ADARB2: variants seen among roughly 807,000 people sequenced by gnomAD.
The protein encoded by ADARB2 is adenosine deaminase RNA specific B2 (inactive), also known as inactive double-stranded RNA-specific editase B2.
Under a neutral mutation model 62.2 loss-of-function variants are expected in ADARB2, and 25 were observed. That is an observed-to-expected ratio of 0.40 (90% CI 0.29 to 0.56). The LOEUF is 0.56. ADARB2 is among the 20% of genes least tolerant of loss of function. The pLI is 0.43. For missense variants in ADARB2, 1,071 were observed against 1,077.4 expected (o/e 0.99, Z 0.08); for synonymous variants, 572 against 500.8 (o/e 1.14, Z -1.90).
chr10:1,461,490 C>T (rs1172709362), intron 1 of ADARB2, among the ~76,000 whole-genome samples: 1 of 151,050 alleles, frequency 6.6e-6, no homozygotes, highest in Non-Finnish European at 1.5e-5. Context: ...GGCAATTTAT[C>T]TAATTCTTTC....
chr10:1,671,403 G>A (rs1834383415), intron 1 of ADARB2, among the ~76,000 whole-genome samples: 2 of 152,326 alleles, frequency 1.3e-5, no homozygotes, highest in African/African-American at 4.8e-5. Context: ...CTCCAGCCCA[G>A]ATGTTGCAGA....
intron 1 of ADARB2, among the ~76,000 whole-genome samples, chr10:1,582,049 A>T (rs995011610): frequency 6.6e-6 from 1 of 152,248 alleles, no homozygotes; most frequent in African/African-American, 2.4e-5. Context: ...AGGTCCGAGC[A>T]GACCTTCTTA....
intron 3 of ADARB2, among the ~76,000 whole-genome samples, chr10:1,319,100 C>G (rs1394404602): frequency 6.6e-6 from 1 of 152,172 alleles, no homozygotes; most frequent in Non-Finnish European, 1.5e-5. Context: ...GTGACGAAAA[C>G]AGAGTGAAGA....
Position 1,363,071 on chromosome 10 carries a change from G to T in ADARB2, c.1034C>A (p.Pro345His), listed in dbSNP as rs1489726803. 1.4e-6 allele frequency: 2 copies of T among 1,461,112 alleles called. No homozygotes were observed. The highest frequency in any genetic ancestry group is 1.5e-5 in the African/African-American group (1 of 68,234). The allele number at this position is 1,461,112 out of a possible 1,614,324, so 90.5% of individuals were successfully genotyped here. A position where few individuals can be genotyped will look rare whatever the true frequency, so the allele number is the denominator to read the frequency against. ...ALQELFDIQM[P>H]GHAPGRARRT... The stretch of plus-strand genomic sequence containing the variant: ...CCTGGCCCTGCCGGGCGCGTGGCCG[G>T]GCATCTGGATGTCGAACAGCTCCTG... The change falls in exon 3 of 10, where the codon CCC (proline) becomes CAC (histidine). Residue 345 changes from proline (P) to histidine (H), a missense_variant. By Grantham distance (77) the Pro-to-His change is moderately conservative. Coordinates refer to ENST00000381312, the MANE Select transcript of ADARB2 (RefSeq NM_018702.4).
intron 2 of ADARB2, among the ~76,000 whole-genome samples, chr10:1,366,353 A>G (rs1349675184): frequency 1.3e-5 from 2 of 152,228 alleles, no homozygotes; most frequent in Admixed American, 6.5e-5. Context: ...AATCTCAGCC[A>G]TGGATGGCCC....
At chr10:1,325,897 C>G (rs1421347924) in intron 3 of ADARB2, among the ~76,000 whole-genome samples, 1 of 152,124 alleles carries the variant, frequency 6.6e-6, no homozygotes, top group African/African-American at 2.4e-5. Flanking sequence ...ATCCCAAAGC[C>G]CGGGACATAG....
At position 1,183,022 on chromosome 10, in the gene ADARB2, G is replaced by T; in HGVS notation, c.*171C>A. 1 of 747,446 alleles carries T rather than the reference G, an allele frequency of 1.3e-6. No individual in the cohort carries two copies. Among genetic ancestry groups the T allele is most frequent in the Non-Finnish European group, 2.1e-6 (1 of 470,138 alleles). The allele number at this position is 747,446 out of a possible 1,614,324, so 46.3% of individuals were successfully genotyped here. ...TTCTGGGGCCAGCGATCTGGAAAGAGGCACGTTCTGAATTTGTGTTGTTGC... is the reference window on the plus strand; with the variant it reads ...TTCTGGGGCCAGCGATCTGGAAAGATGCACGTTCTGAATTTGTGTTGTTGC... On this transcript the variant is annotated 3_prime_UTR_variant, in exon 10 of 10. Coordinates refer to ENST00000381312, the MANE Select transcript of ADARB2 (RefSeq NM_018702.4).
At chr10:1,437,255 C>CACACATATAT (rs1554763005) in intron 1 of ADARB2, among the ~76,000 whole-genome samples, 8 of 151,880 alleles carry the variant, frequency 5.3e-5, no homozygotes, top group Non-Finnish European at 7.4e-5. Context: ...TATATATACA[C>CACACATATAT]ACACACACAC....
At position 1,570,329 on chromosome 10, in the gene ADARB2, C is replaced by T. The variant is rs186470170; in HGVS notation, c.100+166722G>A. On this transcript the variant is annotated intron_variant, in intron 1 of 9. Coordinates refer to ENST00000381312, the MANE Select transcript of ADARB2 (RefSeq NM_018702.4). ...TGTGTTTGCTTTGCTGTCTCTCCCC[C>T]TTGGCGGTTGCTACCTGGGCTGATT... 6.7e-4 allele frequency among the ~76,000 whole-genome samples: 102 copies of T among 152,300 alleles called. 1 individual carries two copies. The East Asian group carries it at 0.018, about 27-fold the overall frequency.
intron 1 of ADARB2, among the ~76,000 whole-genome samples, chr10:1,544,092 C>T (rs947567488): frequency 5.3e-5 from 8 of 151,864 alleles, no homozygotes; most frequent in African/African-American, 1.9e-4. Flanking sequence ...TGTGTGTTTT[C>T]CTGACCGTGG....
intron 6 of ADARB2, among the ~76,000 whole-genome samples, chr10:1,217,462 C>T (rs1299068457): frequency 6.6e-6 from 1 of 152,228 alleles, no homozygotes; most frequent in Non-Finnish European, 1.5e-5. Context: ...GTCCTCAATG[C>T]TTCATTTACA....
chr10:1,719,034 C>G (rs1012835165), intron 1 of ADARB2, among the ~76,000 whole-genome samples: 1 of 151,958 alleles, frequency 6.6e-6, no homozygotes. Flanking sequence ...GATGTCAGCT[C>G]GCTGCAACCT....
chr10:1,272,565 C>T (rs894514489), intron 3 of ADARB2, among the ~76,000 whole-genome samples: 7 of 152,324 alleles, frequency 4.6e-5, no homozygotes, highest in South Asian at 2.1e-4. Context: ...GGCCTCAAGC[C>T]GCTGTAGCCT....
chr10:1,587,493 G>T (rs1833196167), intron 1 of ADARB2, among the ~76,000 whole-genome samples: 1 of 151,886 alleles, frequency 6.6e-6, no homozygotes, highest in African/African-American at 2.4e-5. Context: ...GACAGAAGAA[G>T]GTGGTTCTGT....
chr10:1,184,033 G>A lies in ADARB2; in HGVS notation c.2044-664C>T, dbSNP rs192497193. Among the ~76,000 whole-genome samples, 9 of 152,334 alleles carry A rather than the reference G, an allele frequency of 5.9e-5. No homozygotes were observed. The East Asian group carries it at 1.7e-3, about 29-fold the overall frequency. On this transcript the variant is annotated intron_variant, in intron 9 of 9. Coordinates refer to ENST00000381312, the MANE Select transcript of ADARB2 (RefSeq NM_018702.4). ...AGTCTCCAGGAGAAGGGAGACCCCGGCAGTGCCCTTGAGCGGACAGGACAG... is the reference window on the plus strand; with the variant it reads ...AGTCTCCAGGAGAAGGGAGACCCCGACAGTGCCCTTGAGCGGACAGGACAG...
intron 1 of ADARB2, among the ~76,000 whole-genome samples, chr10:1,634,852 G>A (rs1406817699): frequency 6.6e-6 from 1 of 152,138 alleles, no homozygotes; most frequent in African/African-American, 2.4e-5. Flanking sequence ...GCTCTAATAA[G>A]CTTTTCATAA....
rs112499283 is a variant in ADARB2, at chr10:1,362,480, G to A, written c.1077+548C>T. Reference sequence around the variant, plus strand: ...TGAAGGTAATCGCAGGTTAGAAGGCGGACCCACAGCTGCGCAGGAAGGAAC... The same window carrying A: ...TGAAGGTAATCGCAGGTTAGAAGGCAGACCCACAGCTGCGCAGGAAGGAAC... On this transcript the variant is annotated intron_variant, in intron 3 of 9. Transcript: ENST00000381312. Among the ~76,000 whole-genome samples the A allele has an allele frequency of 1.3e-3, 204 of 152,330 alleles. 1 individual carries two copies. The highest frequency in any genetic ancestry group is 4.5e-3 in the African/African-American group (186 of 41,582).
At chr10:1,670,884 T>C (rs1042014285) in intron 1 of ADARB2, among the ~76,000 whole-genome samples, 2 of 151,926 alleles carry the variant, frequency 1.3e-5, no homozygotes, top group African/African-American at 2.4e-5. Context: ...TTCCAGACAA[T>C]GGGGAACTCA....
intron 3 of ADARB2, among the ~76,000 whole-genome samples, chr10:1,293,197 GA>G (rs1208044027): frequency 5.5e-4 from 33 of 59,464 alleles, no homozygotes; most frequent in Admixed American, 1.1e-3. Context: ...GACAGGAATA[GA>G]AAAAAGAGGG....
Sources: allele counts gnomAD v4.1 joint callset (sites outside exome capture counted in the v4.1 genomes callset), GRCh38; gene constraint gnomAD v4.1.1; transcripts MANE v1.5; gene names NCBI Gene and HGNC (gene_info 2026-07-23, HGNC 2026-07-21).